TIA1: variants seen among roughly 807,000 people sequenced by gnomAD.
TIA1 encodes cytotoxic granule associated RNA binding protein TIA1.
In TIA1, 23 loss-of-function variants were observed where a neutral mutation model predicts 65.9. The observed-to-expected ratio is 0.35, with a 90% CI of 0.25 to 0.49. The LOEUF (loss-of-function observed/expected upper bound fraction) is 0.49, where lower values mean the gene tolerates loss of function less well. TIA1 is among the 20% of genes least tolerant of loss of function. TIA1 has a pLI of 0.98. For missense variants in TIA1, 371 were observed against 477.9 expected (o/e 0.78, Z 2.09); for synonymous variants, 147 against 149.4 (o/e 0.98, Z 0.12).
intron 2 of TIA1, among the ~76,000 whole-genome samples, chr2:70,231,882 T>C (rs1352863760): frequency 1.3e-5 from 2 of 152,180 alleles, no homozygotes; most frequent in Non-Finnish European, 2.9e-5. Flanking sequence ...CTGACATCAA[T>C]TTTTTGCTTG....
intron 1 of TIA1, among the ~76,000 whole-genome samples, chr2:70,242,201 G>A (rs1295004593): frequency 6.6e-6 from 1 of 151,772 alleles, no homozygotes; most frequent in African/African-American, 2.4e-5. Context: ...TGCATCTCTT[G>A]TGTGTCTACT....
chr2:70,216,614 T>C (rs1450975650), intron 8 of TIA1, 115 bp from the exon 9 acceptor site: 2 of 1,282,862 alleles, frequency 1.6e-6, no homozygotes, highest in East Asian at 2.5e-5. Flanking sequence ...AAAATGCTTA[T>C]ATTACACATA....
chr2:70,245,834 A>G (rs1480230911), intron 1 of TIA1, among the ~76,000 whole-genome samples: 1 of 151,474 alleles, frequency 6.6e-6, no homozygotes, highest in Admixed American at 6.6e-5. Flanking sequence ...CCATTTAGGT[A>G]TGTGGGTGAT....
At chr2:70,235,541 AGTGTGTGT>A (rs145663932) in intron 2 of TIA1, among the ~76,000 whole-genome samples, 122 of 147,318 alleles carry the variant, frequency 8.3e-4, no homozygotes, top group African/African-American at 2.8e-3. Flanking sequence ...TAGATGAATG[AGTGTGTGT>A]GTGTGTGTGT....
chr2:70,238,383 G>C (rs1690086923), intron 1 of TIA1, among the ~76,000 whole-genome samples: 1 of 138,602 alleles, frequency 7.2e-6, no homozygotes, highest in East Asian at 2.4e-4. Flanking sequence ...TGATTCTCCT[G>C]CCTCAGCCAC....
chr2:70,222,863 G>A lies in TIA1; in HGVS notation c.474+1691C>T, dbSNP rs143820754. On this transcript the variant is annotated intron_variant, in intron 7 of 12. Coordinates refer to ENST00000433529, the MANE Select transcript of TIA1 (RefSeq NM_022173.4). The stretch of plus-strand genomic sequence containing the variant: ...CAGGAGATGGAGGTTGCAGTGAGCC[G>A]AAATTGCGCCATTGCGCTCCAGCCT... Among the ~76,000 whole-genome samples, 69 of 152,316 alleles carry A rather than the reference G, an allele frequency of 4.5e-4. No individual in the cohort carries two copies. The East Asian group carries it at 0.01, about 22-fold the overall frequency.
chr2:70,227,737 T>A lies in TIA1; in HGVS notation c.396A>T (p.Ile132=). The change falls in exon 6 of 13, where the codon ATA becomes ATT. Residue 132 remains isoleucine (I), a splice_region_variant and synonymous_variant. Transcript: ENST00000433529. The stretch of plus-strand genomic sequence containing the variant: ...TTTATTTATCTTCTGTTACTTACGA[T>A]ATTCTTCCAAATGGTGCAAAAGCAG... ...IKAAFAPFGR[I]SDARVVKDMA... is the part of the protein sequence containing the mutation. 6.3e-7 allele frequency: 1 copy of A among 1,579,926 alleles called. No individual in the cohort carries two copies. The highest frequency in any genetic ancestry group is 1.8e-4 in the Middle Eastern group (1 of 5,416).
intron 5 of TIA1, chr2:70,228,839 A>G: frequency 7.0e-7 from 1 of 1,419,958 alleles, no homozygotes; most frequent in Non-Finnish European, 9.2e-7. Context: ...CTAAGGCATC[A>G]GCTGCTACCA....
chr2:70,227,147 A>G (rs78974674), intron 6 of TIA1, among the ~76,000 whole-genome samples: 1,684 of 152,300 alleles, frequency 0.011, 9 homozygotes, highest in Non-Finnish European at 0.02. Context: ...AAGTTCTTCT[A>G]TGATGAATGC....
intron 5 of TIA1, chr2:70,228,315 T>C (rs912885081): frequency 1.6e-6 from 2 of 1,280,358 alleles, no homozygotes; most frequent in African/African-American, 1.5e-5. Context: ...GGTTTAACCA[T>C]ATTTTGTGAA....
At chr2:70,224,189 A>G in intron 7 of TIA1, among the ~76,000 whole-genome samples, 1 of 152,190 alleles carries the variant, frequency 6.6e-6, no homozygotes, top group Middle Eastern at 3.2e-3. Context: ...AAGTGTTGGG[A>G]TTACAGGTGT....
chr2:70,220,139 G>A (rs571817402), intron 7 of TIA1, among the ~76,000 whole-genome samples: 70 of 152,114 alleles, frequency 4.6e-4, no homozygotes, highest in African/African-American at 1.6e-3. Flanking sequence ...GACTGGGCAC[G>A]GTGGCTCACA....
At position 70,227,830 on chromosome 2, in the gene TIA1, G is replaced by T. The variant is rs764605471; in HGVS notation, c.311-8C>A. 4 of 1,557,056 alleles carry T rather than the reference G, an allele frequency of 2.6e-6. No homozygotes were observed. In the East Asian group the frequency reaches 6.8e-5, roughly 26 times the overall value. ...CAAAGACATGGAAATGATCTTATAA[G>T]GGGAAGGAAGGGGAAGTGAAAAGAA... is the stretch of plus-strand genomic sequence containing the variant. On this transcript the variant is annotated splice_polypyrimidine_tract_variant and splice_region_variant and intron_variant, in intron 5 of 12. Transcript: ENST00000433529.
chr2:70,243,205 C>A (rs1157571692), intron 1 of TIA1, among the ~76,000 whole-genome samples: 3 of 152,124 alleles, frequency 2.0e-5, no homozygotes, highest in African/African-American at 4.8e-5. Context: ...GTGGGAAGAT[C>A]GCTTGAGCCC....
At chr2:70,225,064 A>C in intron 6 of TIA1, 1 of 983,220 alleles carries the variant, frequency 1.0e-6, no homozygotes, top group Non-Finnish European at 1.2e-6. Context: ...AAAAGAATGA[A>C]AAAGTTGTAT....
chr2:70,234,723 G>A lies in TIA1; in HGVS notation c.123+1356C>T, dbSNP rs139331446. On this transcript the variant is annotated intron_variant, in intron 2 of 12. Transcript: ENST00000433529. ...ATTACAGGCGCTTGCCACCATGTCC[G>A]GCTAATTTTGGTATTTTTAGTAGAG... Among the ~76,000 whole-genome samples, 543 of 152,180 alleles carry A rather than the reference G, an allele frequency of 3.6e-3. 3 individuals carry two copies. The highest frequency in any genetic ancestry group is 0.013 in the African/African-American group (520 of 41,532).
chr2:70,222,871 G>A (rs1476040057), intron 7 of TIA1, among the ~76,000 whole-genome samples: 2 of 152,186 alleles, frequency 1.3e-5, no homozygotes, highest in Non-Finnish European at 2.9e-5. Context: ...CCGAAATTGC[G>A]CCATTGCGCT....
At chr2:70,225,255 T>C in intron 6 of TIA1, 1 of 1,172,412 alleles carries the variant, frequency 8.5e-7, no homozygotes, top group Non-Finnish European at 1.1e-6. Flanking sequence ...ATAGCATTCA[T>C]ATAAAATTGA....
At chr2:70,232,454 C>T (rs1409770866) in intron 2 of TIA1, among the ~76,000 whole-genome samples, 4 of 124,204 alleles carry the variant, frequency 3.2e-5, no homozygotes, top group Non-Finnish European at 4.8e-5. Context: ...GCAGGAGAAT[C>T]GCTTGAACCC....
Sources: gnomAD v4.1 joint callset for allele counts (sites outside exome capture counted in the v4.1 genomes callset) on GRCh38, gnomAD v4.1.1 for gene constraint, MANE v1.5 for transcripts, NCBI Gene and HGNC (gene_info 2026-07-23, HGNC 2026-07-21) for gene names.